The following PTPRM variants were observed in gnomAD, a reference collection of about 807,000 sequenced individuals.
PTPRM encodes protein tyrosine phosphatase receptor type M.
A neutral mutation model predicts 186.7 loss-of-function variants in PTPRM; 47 were observed. That is an observed-to-expected ratio of 0.25 (90% CI 0.20 to 0.32). PTPRM has a LOEUF of 0.32. PTPRM is among the 10% of genes least tolerant of loss of function. The pLI, the probability that PTPRM is intolerant of heterozygous loss-of-function variation, is 1.00. For missense variants in PTPRM, 1,494 were observed against 1,865.0 expected, an observed-to-expected ratio of 0.80 and a Z score of 3.66; for synonymous variants, 668 against 674.9, an observed-to-expected ratio of 0.99 and a Z score of 0.16.
At chr18:8,265,348 G>C (rs1404024999) in intron 19 of PTPRM, among the ~76,000 whole-genome samples, 1 of 152,186 alleles carries the variant, frequency 6.6e-6, no homozygotes, top group Non-Finnish European at 1.5e-5. Context: ...CATCTGACAT[G>C]ACCAGTTCTA....
chr18:7,966,513 A>T (rs1396394544), intron 7 of PTPRM, among the ~76,000 whole-genome samples: 1 of 151,676 alleles, frequency 6.6e-6, no homozygotes, highest in Admixed American at 6.6e-5. Context: ...GACGCAGAAG[A>T]CGGGTGATTT....
intron 23 of PTPRM, among the ~76,000 whole-genome samples, chr18:8,352,770 C>G (rs1598407206): frequency 6.6e-6 from 1 of 151,720 alleles, no homozygotes; most frequent in Non-Finnish European, 1.5e-5. Flanking sequence ...CTCCTGGGTT[C>G]AAGCAATTCT....
At chr18:8,113,093 A>ATGC (rs2091827147) in intron 11 of PTPRM, among the ~76,000 whole-genome samples, 1 of 152,216 alleles carries the variant, frequency 6.6e-6, no homozygotes, top group African/African-American at 2.4e-5. Flanking sequence ...TTTTAAAATA[A>ATGC]ACTTACAGTT....
At chr18:8,355,971 G>C (rs1258469880) in intron 23 of PTPRM, among the ~76,000 whole-genome samples, 1 of 152,160 alleles carries the variant, frequency 6.6e-6, no homozygotes, top group Non-Finnish European at 1.5e-5. Flanking sequence ...ACTCCCAAAG[G>C]TTGGTTCATG....
chr18:8,371,125 C>T lies in PTPRM; in HGVS notation c.3171+119C>T, dbSNP rs1211561264. The T allele has an allele frequency of 5.6e-6, 3 of 538,360 alleles. No homozygotes were observed. The South Asian group carries it at 1.2e-4, about 21-fold the overall frequency. 33.3% of individuals were successfully genotyped at this position (538,360 alleles called of 1,614,324 possible). On this transcript the variant is annotated intron_variant, in intron 24 of 32. Transcript: ENST00000580170. ...ATATCTCAATGCAGGTAGGCTCTAT[C>T]TGATGGTTTCTCAAGATTGCATCTT...
At chr18:7,757,669 G>GA (rs2041566639) in intron 1 of PTPRM, among the ~76,000 whole-genome samples, 1 of 152,158 alleles carries the variant, frequency 6.6e-6, no homozygotes. Context: ...GGGATGAAGT[G>GA]AAAAATGAAT....
intron 2 of PTPRM, among the ~76,000 whole-genome samples, chr18:7,797,930 C>A (rs538264787): frequency 6.6e-6 from 1 of 152,284 alleles, no homozygotes; most frequent in South Asian, 2.1e-4. Flanking sequence ...TAATTTTTAA[C>A]CTTGATATCT....
At chr18:7,621,557 T>G (rs1173236302) in intron 1 of PTPRM, among the ~76,000 whole-genome samples, 3 of 152,168 alleles carry the variant, frequency 2.0e-5, no homozygotes, top group Non-Finnish European at 4.4e-5. Context: ...ATGGCATATA[T>G]CTGCCATTAT....
chr18:7,992,122 G>A (rs1318697210), intron 7 of PTPRM, among the ~76,000 whole-genome samples: 1 of 152,112 alleles, frequency 6.6e-6, no homozygotes, highest in African/African-American at 2.4e-5. Context: ...CCCTGAGTGG[G>A]TAGGAGAGGG....
chr18:8,238,645 TTG>T (rs754185349), intron 14 of PTPRM, among the ~76,000 whole-genome samples: 2,176 of 116,098 alleles, frequency 0.019, 90 homozygotes, highest in African/African-American at 0.074. Flanking sequence ...TCACACTGTT[TTG>T]TGTGTTTTTT....
At position 8,173,435 on chromosome 18, in the gene PTPRM, A is replaced by G. The variant is rs144645113; in HGVS notation, c.2300+29656A>G. The stretch of plus-strand genomic sequence containing the variant: ...GGGCCAGGGTCAGACAAATAATATG[A>G]GTCAATTTATAAAACAAATAAAAGA... On this transcript the variant is annotated intron_variant, in intron 14 of 32. Transcript: ENST00000580170. Among the ~76,000 whole-genome samples, 22 of 152,360 alleles carry G rather than the reference A, an allele frequency of 1.4e-4. No individual in the cohort carries two copies. In the East Asian group the frequency reaches 4.0e-3, roughly 28 times the overall value.
chr18:8,116,841 A>G (rs1265584491), intron 13 of PTPRM, among the ~76,000 whole-genome samples: 6 of 152,210 alleles, frequency 3.9e-5, no homozygotes, highest in Non-Finnish European at 8.8e-5. Flanking sequence ...CTGATTGACT[A>G]AATATTCCCC....
chr18:7,670,125 TTTG>T (rs1318547154), intron 1 of PTPRM, among the ~76,000 whole-genome samples: 2 of 152,164 alleles, frequency 1.3e-5, no homozygotes, highest in Non-Finnish European at 2.9e-5. Context: ...ACTTAATATG[TTTG>T]TTATTATTTT....
chr18:8,162,501 C>CCTGGGCCTG (rs2093250148), intron 14 of PTPRM, among the ~76,000 whole-genome samples: 3 of 152,272 alleles, frequency 2.0e-5, no homozygotes, highest in Admixed American at 2.0e-4. Context: ...CCTGGCTGTG[C>CCTGGGCCTG]CCACTTCTGC....
intron 4 of PTPRM, among the ~76,000 whole-genome samples, chr18:7,924,753 C>T (rs998193783): frequency 3.9e-5 from 6 of 152,098 alleles, no homozygotes; most frequent in Admixed American, 1.3e-4. Flanking sequence ...ACAAGGTGAG[C>T]GAATCTACAG....
At chr18:7,860,610 T>C (rs1470859414) in intron 2 of PTPRM, among the ~76,000 whole-genome samples, 1 of 152,188 alleles carries the variant, frequency 6.6e-6, no homozygotes, top group Non-Finnish European at 1.5e-5. Flanking sequence ...TCACCACCTT[T>C]TCCTCTCGTT....
intron 1 of PTPRM, among the ~76,000 whole-genome samples, chr18:7,759,198 A>C (rs1352951930): frequency 6.6e-6 from 1 of 152,222 alleles, no homozygotes; most frequent in Non-Finnish European, 1.5e-5. Context: ...ATCGATGCAC[A>C]AGTGTTTATT....
chr18:8,169,245 A>C (rs2093364088), intron 14 of PTPRM, among the ~76,000 whole-genome samples: 3 of 152,110 alleles, frequency 2.0e-5, no homozygotes, highest in African/African-American at 7.2e-5. Context: ...TCCGCTCGAA[A>C]AGTGAATTTA....
At chr18:8,289,145 C>T (rs2147812568) in intron 19 of PTPRM, among the ~76,000 whole-genome samples, 1 of 152,072 alleles carries the variant, frequency 6.6e-6, no homozygotes, top group South Asian at 2.1e-4. Context: ...TGTGTGATTT[C>T]AGGGGAGCCA....
Sources: allele counts gnomAD v4.1 joint callset (sites outside exome capture counted in the v4.1 genomes callset), GRCh38; gene constraint gnomAD v4.1.1; transcripts MANE v1.5; gene names NCBI Gene and HGNC (gene_info 2026-07-23, HGNC 2026-07-21).